CECR2: variants seen among roughly 807,000 people sequenced by gnomAD.
CECR2 encodes the protein CECR2 histone acetyl-lysine reader, also known as chromatin remodeling regulator CECR2.
A neutral mutation model predicts 154.5 loss-of-function variants in CECR2; 30 were observed. The observed-to-expected ratio is 0.19, with a 90% confidence interval of 0.15 to 0.26. The LOEUF (loss-of-function observed/expected upper bound fraction) is 0.26. Among genes scored for constraint, CECR2 ranks in the 10% least tolerant of loss-of-function variants. The probability of loss-of-function intolerance (pLI) is 1.00; values close to 1 mark genes in which losing one functional copy is unlikely to be tolerated. For synonymous variants in CECR2, 725 were observed against 683.7 expected, an observed-to-expected ratio of 1.06 and a Z score of -0.94; for missense variants, 1,743 against 1,829.3, an observed-to-expected ratio of 0.95 and a Z score of 0.86.
Position 17,512,925 on chromosome 22 carries a change from C to T in CECR2, c.954+1029C>T, listed in dbSNP as rs553037555. ...ATTTCTTCTAAGACACAAAGCAAAA[C>T]AACATAAATGGGAGGGCAGGGAAAT... On this transcript the variant is annotated intron_variant, in intron 8 of 18. Coordinates refer to ENST00000262608, the MANE Select transcript of CECR2 (RefSeq NM_001290047.2). 3.3e-5 allele frequency among the ~76,000 whole-genome samples: 5 copies of T among 152,088 alleles called. No individual in the cohort carries two copies. The East Asian group carries it at 9.6e-4, about 29-fold the overall frequency.
intron 1 of CECR2, among the ~76,000 whole-genome samples, chr22:17,399,416 A>ATTTTTT (rs67470861): frequency 7.9e-6 from 1 of 126,390 alleles, no homozygotes; most frequent in Non-Finnish European, 1.7e-5. Context: ...AGTAATGGTG[A>ATTTTTT]TTTTTTTTTT....
intron 2 of CECR2, among the ~76,000 whole-genome samples, chr22:17,488,991 G>T (rs1488209464): frequency 6.6e-6 from 1 of 151,896 alleles, no homozygotes; most frequent in East Asian, 1.9e-4. Context: ...TGCTCTTTTT[G>T]CCCAGGCTGG....
At chr22:17,425,029 T>C (rs2054310063) in intron 1 of CECR2, among the ~76,000 whole-genome samples, 1 of 152,242 alleles carries the variant, frequency 6.6e-6, no homozygotes, top group African/African-American at 2.4e-5. Flanking sequence ...CTTTACAGTG[T>C]CTATTCTTGA....
intron 8 of CECR2, among the ~76,000 whole-genome samples, chr22:17,515,601 G>C (rs2056036830): frequency 1.3e-5 from 2 of 151,978 alleles, no homozygotes; most frequent in African/African-American, 4.8e-5. Context: ...CTGATACCCA[G>C]ATTTAAGCGT....
chr22:17,459,142 T>C (rs1307541784), intron 1 of CECR2, among the ~76,000 whole-genome samples: 3 of 152,182 alleles, frequency 2.0e-5, no homozygotes, highest in Non-Finnish European at 4.4e-5. Context: ...TTCCAAAGGA[T>C]TGATTTTAGT....
chr22:17,498,011 A>G (rs2055662375), intron 3 of CECR2, among the ~76,000 whole-genome samples: 1 of 152,216 alleles, frequency 6.6e-6, no homozygotes, highest in Admixed American at 6.5e-5. Context: ...GTCATCCTCT[A>G]CACACATCCA....
chr22:17,394,348 G>T (rs2053776746), intron 1 of CECR2, among the ~76,000 whole-genome samples: 1 of 151,858 alleles, frequency 6.6e-6, no homozygotes, highest in African/African-American at 2.4e-5. Context: ...GAGTACAGAT[G>T]TGTGCCACCA....
chr22:17,402,047 A>G (rs1407307282), intron 1 of CECR2, among the ~76,000 whole-genome samples: 1 of 152,138 alleles, frequency 6.6e-6, no homozygotes, highest in East Asian at 1.9e-4. Flanking sequence ...GCAGTAGCGC[A>G]GTCTCAGCTC....
intron 16 of CECR2, 92 bp downstream of exon 16, chr22:17,543,095 C>T: frequency 7.5e-7 from 1 of 1,330,076 alleles, no homozygotes; most frequent in Non-Finnish European, 1.0e-6. Flanking sequence ...ATCTGGTTCC[C>T]AGCCTCTCTT....
rs536429452 is a variant in CECR2, at chr22:17,529,932, C to G, written c.1108+5661C>G. Among the ~76,000 whole-genome samples the G allele has an allele frequency of 8.8e-4, 134 of 152,250 alleles. 1 individual carries two copies. The highest frequency in any genetic ancestry group is 2.8e-3 in the African/African-American group (118 of 41,546). On this transcript the variant is annotated intron_variant, in intron 9 of 18. Transcript: ENST00000262608. ...AATAATCAATTATGTACTAATCAGA[C>G]ACTTTTAAAAATTACAACAGTTTAT...
At chr22:17,394,107 G>C (rs1437486649) in intron 1 of CECR2, among the ~76,000 whole-genome samples, 1 of 148,454 alleles carries the variant, frequency 6.7e-6, no homozygotes, top group Non-Finnish European at 1.5e-5. Context: ...GGCTGGTCTT[G>C]AACTCCCGAC....
At chr22:17,383,657 C>CTTTTT (rs57665657) in intron 1 of CECR2, among the ~76,000 whole-genome samples, 23 of 104,308 alleles carry the variant, frequency 2.2e-4, no homozygotes, top group African/African-American at 5.9e-4. Context: ...TTCAGGTCCA[C>CTTTTT]TTTTTTTTTT....
chr22:17,361,683 C>A (rs2062978579), intron 1 of CECR2, among the ~76,000 whole-genome samples: 1 of 150,710 alleles, frequency 6.6e-6, no homozygotes, highest in African/African-American at 2.4e-5. Flanking sequence ...GGGGAGGTTG[C>A]AGTGAGCCGA....
intron 1 of CECR2, among the ~76,000 whole-genome samples, chr22:17,457,516 A>C (rs1020963237): frequency 6.6e-6 from 1 of 152,198 alleles, no homozygotes; most frequent in African/African-American, 2.4e-5. Flanking sequence ...GGAACTCTTC[A>C]CTGAGGCATA....
At chr22:17,436,338 G>A (rs2054506609) in intron 1 of CECR2, among the ~76,000 whole-genome samples, 2 of 152,294 alleles carry the variant, frequency 1.3e-5, no homozygotes, top group South Asian at 4.1e-4. Context: ...TTTAAATAAA[G>A]TTCTATGCAC....
chr22:17,453,232 G>A (rs1228535778), intron 1 of CECR2, among the ~76,000 whole-genome samples: 11 of 152,176 alleles, frequency 7.2e-5, no homozygotes, highest in Non-Finnish European at 1.0e-4. Context: ...ACCTGAGGTC[G>A]GGAGTTCAAA....
At chr22:17,515,092 A>G (rs1262250988) in intron 8 of CECR2, among the ~76,000 whole-genome samples, 1 of 151,920 alleles carries the variant, frequency 6.6e-6, no homozygotes, top group East Asian at 1.9e-4. Context: ...TATGTGTGTA[A>G]TGTCATTTAG....
At chr22:17,389,168 T>C (rs2063299541) in intron 1 of CECR2, among the ~76,000 whole-genome samples, 1 of 152,142 alleles carries the variant, frequency 6.6e-6, no homozygotes, top group Admixed American at 6.6e-5. Flanking sequence ...AGAAGGCTGG[T>C]ACACAGAATT....
At chr22:17,477,468 G>A in intron 1 of CECR2, 120 bp from the exon 2 acceptor site, 1 of 702,200 alleles carries the variant, frequency 1.4e-6, no homozygotes, top group South Asian at 1.6e-5. Flanking sequence ...GCTGATCTCT[G>A]GCAAGTCCTT....
Sources: gnomAD v4.1 joint callset for allele counts (sites outside exome capture counted in the v4.1 genomes callset) on GRCh38, gnomAD v4.1.1 for gene constraint, MANE v1.5 for transcripts, NCBI Gene and HGNC (gene_info 2026-07-23, HGNC 2026-07-21) for gene names.